C8orf34: variants seen among roughly 807,000 people sequenced by gnomAD.
C8orf34 encodes chromosome 8 open reading frame 34, also known as uncharacterized protein C8orf34.
A neutral mutation model predicts 68.3 loss-of-function variants in C8orf34; 65 were observed. The ratio of observed to expected loss-of-function variants is 0.95; its 90% CI spans 0.78 to 1.17. The LOEUF (loss-of-function observed/expected upper bound fraction) is 1.17. Among genes scored for constraint, C8orf34 ranks in the 50% most tolerant of loss-of-function variants. The probability of loss-of-function intolerance (pLI) is 0.00; values close to 1 mark genes in which losing one functional copy is unlikely to be tolerated. For synonymous variants in C8orf34, 244 were observed against 241.2 expected, an observed-to-expected ratio of 1.01 and a Z score of -0.11; for missense variants, 664 against 655.4, an observed-to-expected ratio of 1.01 and a Z score of -0.14.
At chr8:68,815,976 G>T in intron 13 of C8orf34, 31 bp downstream of exon 13, 1 of 1,613,508 alleles carries the variant, frequency 6.2e-7, no homozygotes, top group South Asian at 1.1e-5. Context: ...TAATATCGAT[G>T]TCGGGTAATG....
intron 11 of C8orf34, among the ~76,000 whole-genome samples, chr8:68,781,374 C>A (rs1823675172): frequency 6.6e-6 from 1 of 152,114 alleles, no homozygotes; most frequent in Non-Finnish European, 1.5e-5. Flanking sequence ...CACTATTTCC[C>A]ACCACTCCTA....
chr8:68,589,097 G>A (rs555423353), intron 7 of C8orf34, among the ~76,000 whole-genome samples: 8 of 152,252 alleles, frequency 5.3e-5, no homozygotes, highest in Middle Eastern at 3.4e-3. Flanking sequence ...AAACGGCCAG[G>A]CACAAATAAA....
At chr8:68,743,803 G>T (rs1055728425) in intron 10 of C8orf34, among the ~76,000 whole-genome samples, 1 of 152,314 alleles carries the variant, frequency 6.6e-6, no homozygotes, top group South Asian at 2.1e-4. Context: ...AGCAAGGCTG[G>T]GGGAGGGGCG....
chr8:68,412,515 T>C (rs1485148301), intron 1 of C8orf34, among the ~76,000 whole-genome samples: 1 of 152,164 alleles, frequency 6.6e-6, no homozygotes, highest in Non-Finnish European at 1.5e-5. Context: ...TACAGGCTCC[T>C]GGGTCATTCT....
intron 1 of C8orf34, among the ~76,000 whole-genome samples, chr8:68,394,668 G>A (rs1318749192): frequency 6.6e-6 from 1 of 152,010 alleles, no homozygotes; most frequent in East Asian, 1.9e-4. Flanking sequence ...ATTTCATCTT[G>A]ATTTGGAGTC....
At chr8:68,597,967 A>C (rs1817594934) in intron 7 of C8orf34, among the ~76,000 whole-genome samples, 1 of 152,178 alleles carries the variant, frequency 6.6e-6, no homozygotes, top group Non-Finnish European at 1.5e-5. Flanking sequence ...TTTTGATACT[A>C]CATTCAAGAA....
intron 5 of C8orf34, among the ~76,000 whole-genome samples, chr8:68,494,540 T>G (rs1488853413): frequency 6.6e-6 from 1 of 152,170 alleles, no homozygotes; most frequent in Non-Finnish European, 1.5e-5. Flanking sequence ...TTTTATGTTA[T>G]GATTTTTCTG....
chr8:68,448,926 A>G (rs1054257112), intron 3 of C8orf34, among the ~76,000 whole-genome samples: 1 of 152,142 alleles, frequency 6.6e-6, no homozygotes, highest in African/African-American at 2.4e-5. Context: ...TATCATAATC[A>G]TAAAAGGTTA....
intron 5 of C8orf34, among the ~76,000 whole-genome samples, chr8:68,496,098 A>G (rs1403025879): frequency 6.6e-6 from 1 of 152,234 alleles, no homozygotes; most frequent in Non-Finnish European, 1.5e-5. Context: ...AGACAGAATA[A>G]TGTCTTAAAA....
At position 68,673,282 on chromosome 8, in the gene C8orf34, C is replaced by T. The variant is rs559936432; in HGVS notation, c.1241+32771C>T. On this transcript the variant is annotated intron_variant, in intron 8 of 13. Coordinates refer to ENST00000518698, the MANE Select transcript of C8orf34 (RefSeq NM_052958.4). ...AGACTTTGTTTTTCAGCTTAAGTAC[C>T]AGCTCAGCCACACCTAATTGTGGAC... Among the ~76,000 whole-genome samples, 11 of 151,876 alleles carry T rather than the reference C, an allele frequency of 7.2e-5. No individual in the cohort carries two copies. In the East Asian group the frequency reaches 2.0e-3, roughly 28 times the overall value.
At chr8:68,567,378 A>G (rs1489353821) in intron 7 of C8orf34, among the ~76,000 whole-genome samples, 2 of 151,912 alleles carry the variant, frequency 1.3e-5, no homozygotes, top group African/African-American at 2.4e-5. Context: ...GAATTTGTCC[A>G]TCTCTTCTGG....
At chr8:68,695,309 G>A (rs1010435167) in intron 8 of C8orf34, among the ~76,000 whole-genome samples, 1 of 151,876 alleles carries the variant, frequency 6.6e-6, no homozygotes, top group African/African-American at 2.4e-5. Context: ...CACCACGTCT[G>A]GCTAAATTTT....
intron 7 of C8orf34, among the ~76,000 whole-genome samples, chr8:68,557,899 C>T (rs1464895858): frequency 8.5e-5 from 13 of 152,146 alleles, no homozygotes; most frequent in Non-Finnish European, 1.9e-4. Flanking sequence ...TGGACAGCCA[C>T]AGTTATTGGC....
chr8:68,402,158 A>T, intron 1 of C8orf34, among the ~76,000 whole-genome samples: 1 of 151,956 alleles, frequency 6.6e-6, no homozygotes, highest in Non-Finnish European at 1.5e-5. Flanking sequence ...CCAGGAATTT[A>T]TTTCTTTCCT....
intron 10 of C8orf34, among the ~76,000 whole-genome samples, chr8:68,723,214 C>T (rs934379512): frequency 2.0e-5 from 3 of 152,028 alleles, no homozygotes; most frequent in African/African-American, 7.2e-5. Context: ...CCTAGTTTTA[C>T]TCGTGGAGTG....
chr8:68,675,391 A>G (rs1461105912), intron 8 of C8orf34, among the ~76,000 whole-genome samples: 2 of 152,198 alleles, frequency 1.3e-5, no homozygotes, highest in African/African-American at 2.4e-5. Flanking sequence ...AAAGATATAA[A>G]TAGAAACAAG....
intron 10 of C8orf34, among the ~76,000 whole-genome samples, chr8:68,750,393 C>T (rs1350108915): frequency 1.3e-5 from 2 of 151,996 alleles, no homozygotes; most frequent in African/African-American, 4.8e-5. Flanking sequence ...ATGAAATATC[C>T]AGAATTGGCT....
chr8:68,762,990 T>G (rs1823063129), intron 10 of C8orf34, among the ~76,000 whole-genome samples: 1 of 152,210 alleles, frequency 6.6e-6, no homozygotes. Flanking sequence ...TGTGGTTCAT[T>G]AAGTTGCTGG....
intron 7 of C8orf34, among the ~76,000 whole-genome samples, chr8:68,567,663 C>T (rs1816636138): frequency 1.6e-5 from 2 of 122,576 alleles, no homozygotes; most frequent in Admixed American, 1.0e-4. Context: ...CGTGCAATCT[C>T]GGCTCACTGC....
Sources: gnomAD v4.1 joint callset for allele counts (sites outside exome capture counted in the v4.1 genomes callset) on GRCh38, gnomAD v4.1.1 for gene constraint, MANE v1.5 for transcripts, NCBI Gene and HGNC (gene_info 2026-07-23, HGNC 2026-07-21) for gene names.